The following SENP1 variants were observed in gnomAD, a reference collection of about 807,000 sequenced individuals.
The protein encoded by SENP1 is sentrin-specific protease 1.
SENP1 carries 21 observed loss-of-function variants against 93.0 expected under a neutral mutation model. That is an observed-to-expected ratio of 0.23 (90% confidence interval 0.16 to 0.33). The LOEUF is 0.33. Among genes scored for constraint, SENP1 ranks in the 10% least tolerant of loss-of-function variants. SENP1 has a pLI of 1.00. For missense variants in SENP1, 591 were observed against 758.7 expected, an observed-to-expected ratio of 0.78 and a Z score of 2.60; for synonymous variants, 256 against 259.6, an observed-to-expected ratio of 0.99 and a Z score of 0.13.
chr12:48,048,829 CAAT>C (rs1274765350), intron 14 of SENP1, 97 bp downstream of exon 14: 12 of 843,350 alleles, frequency 1.4e-5, no homozygotes, highest in Non-Finnish European at 1.9e-6. Flanking sequence ...CTCTTTCTCT[CAAT>C]AATCAAGGGA....
At chr12:48,075,458 G>A (rs946484648) in intron 6 of SENP1, among the ~76,000 whole-genome samples, 1 of 152,138 alleles carries the variant, frequency 6.6e-6, no homozygotes, top group Admixed American at 6.5e-5. Context: ...CTTGACTCCT[G>A]AAACCTGTTA....
intron 6 of SENP1, among the ~76,000 whole-genome samples, chr12:48,078,841 T>C (rs1291564913): frequency 6.6e-6 from 1 of 152,362 alleles, no homozygotes; most frequent in African/African-American, 2.4e-5. Context: ...TGTAAATTAC[T>C]TGTTAAACTG....
Position 48,063,804 on chromosome 12 carries a change from C to T in SENP1, c.1313G>A (p.Gly438Glu). Residue 438 changes from glycine to glutamate, a missense_variant, in exon 13 of 18, where the codon GGG becomes GAG. Coordinates refer to ENST00000549518, the MANE Select transcript of SENP1 (RefSeq NM_001267594.2). Reference protein sequence around the residue: ...EKEIKNVFRNGNQDEVLSEAF... With the variant: ...EKEIKNVFRNENQDEVLSEAF... ...TTCACTGAGAACTTCATCCTGATTCCCATTACGAAATACATTCTTTATTTC... is the reference window on the plus strand; with the variant it reads ...TTCACTGAGAACTTCATCCTGATTCTCATTACGAAATACATTCTTTATTTC... 1.2e-6 allele frequency: 2 copies of T among 1,612,660 alleles called. No individual in the cohort carries two copies. The highest frequency in any genetic ancestry group is 1.7e-6 in the Non-Finnish European group (2 of 1,179,348).
At chr12:48,048,112 T>C in intron 14 of SENP1, 32 bp from the exon 15 acceptor site, 1 of 1,427,156 alleles carries the variant, frequency 7.0e-7, no homozygotes. Flanking sequence ...TCTGTGTTTA[T>C]GAGATGAAGA....
intron 13 of SENP1, among the ~76,000 whole-genome samples, chr12:48,056,821 AATATATTTAACATATTACATATTACAT>A (rs1281148240): frequency 4.0e-5 from 2 of 49,710 alleles, no homozygotes; most frequent in Admixed American, 3.3e-4. Flanking sequence ...TACATATATA[AATATATTTAACATATTACATATTACAT>A]ATATATTATT....
At chr12:48,053,439 C>T (rs989246995) in intron 13 of SENP1, among the ~76,000 whole-genome samples, 5 of 146,266 alleles carry the variant, frequency 3.4e-5, no homozygotes, top group African/African-American at 1.3e-4. Context: ...GATCACACCA[C>T]TGCACTCTAG....
At chr12:48,070,670 T>A (rs1262447275) in intron 9 of SENP1, among the ~76,000 whole-genome samples, 1 of 152,242 alleles carries the variant, frequency 6.6e-6, no homozygotes, top group Non-Finnish European at 1.5e-5. Flanking sequence ...GTAAGGAGCC[T>A]GAGCTTAATT....
chr12:48,055,427 A>G (rs1942159714), intron 13 of SENP1: 1 of 152,338 alleles, frequency 6.6e-6, no homozygotes, highest in Non-Finnish European at 1.5e-5. Context: ...CTCCAGCTCC[A>G]CAATTATGGG....
intron 9 of SENP1, among the ~76,000 whole-genome samples, chr12:48,069,128 G>C (rs1171954739): frequency 8.5e-6 from 1 of 117,232 alleles, no homozygotes; most frequent in Non-Finnish European, 1.6e-5. Context: ...ACTCCAGCCT[G>C]GATGATAGAG....
intron 13 of SENP1, among the ~76,000 whole-genome samples, chr12:48,057,540 A>G (rs1226927988): frequency 1.4e-5 from 2 of 144,038 alleles, no homozygotes; most frequent in Admixed American, 7.1e-5. Context: ...TGTATTATAT[A>G]TATTTTTATG....
chr12:48,050,534 A>G (rs1031559356), intron 13 of SENP1, among the ~76,000 whole-genome samples: 5 of 152,240 alleles, frequency 3.3e-5, no homozygotes, highest in South Asian at 2.1e-4. Context: ...CAAAGGACTC[A>G]GGTTGTGGCT....
At chr12:48,057,745 C>T (rs955893627) in intron 13 of SENP1, among the ~76,000 whole-genome samples, 11 of 150,148 alleles carry the variant, frequency 7.3e-5, no homozygotes, top group Middle Eastern at 3.4e-3. Context: ...CAATTACAGG[C>T]ACACACGATG....
At chr12:48,105,504 T>G in intron 1 of SENP1, 1 of 519,090 alleles carries the variant, frequency 1.9e-6, no homozygotes, top group Non-Finnish European at 3.8e-6. Flanking sequence ...GCACTAGCGA[T>G]ATCACATCTC....
chr12:48,083,058 C>T (rs1298511363), intron 6 of SENP1, among the ~76,000 whole-genome samples: 1 of 152,056 alleles, frequency 6.6e-6, no homozygotes, highest in East Asian at 1.9e-4. Context: ...ATATGAGCCA[C>T]CAAGCCCGTC....
rs958651282 is a variant in SENP1, at chr12:48,054,255, G to A, written c.1408-5123C>T. Among the ~76,000 whole-genome samples, 6 of 152,210 alleles carry A rather than the reference G, an allele frequency of 3.9e-5. No homozygotes were observed. The East Asian group carries it at 9.6e-4, about 24-fold the overall frequency. The stretch of plus-strand genomic sequence containing the variant: ...ATAGATTTGTCTATTTCTCCTTTCA[G>A]TTCTATCAGATTATGCTTCACGTAT... On this transcript the variant is annotated intron_variant, in intron 13 of 17. Transcript: ENST00000549518.
chr12:48,099,018 T>C (rs1945745852), intron 2 of SENP1: 1 of 152,042 alleles, frequency 6.6e-6, no homozygotes, highest in African/African-American at 2.4e-5. Flanking sequence ...AACAGCTTAA[T>C]TTAAAGCTTT....
At chr12:48,071,488 C>T (rs756818880) in intron 9 of SENP1, among the ~76,000 whole-genome samples, 179 bp downstream of exon 9, 8 of 151,982 alleles carry the variant, frequency 5.3e-5, no homozygotes, top group African/African-American at 9.7e-5. Flanking sequence ...TGGTGGCGGG[C>T]GCCTGTAATC....
At chr12:48,098,410 T>C (rs7295580) in intron 2 of SENP1, among the ~76,000 whole-genome samples, 108,416 of 151,742 alleles carry the variant, frequency 0.71, 39,814 homozygotes, top group East Asian at 0.99. Flanking sequence ...TTTGGGAGGT[T>C]GAGGCGGGTG....
chr12:48,087,566 G>A (rs763246050), intron 5 of SENP1, among the ~76,000 whole-genome samples: 2 of 152,154 alleles, frequency 1.3e-5, no homozygotes, highest in African/African-American at 2.4e-5. Context: ...AATAGGTATA[G>A]GAAAAGGTTT....
Sources: allele counts gnomAD v4.1 joint callset (sites outside exome capture counted in the v4.1 genomes callset), GRCh38; gene constraint gnomAD v4.1.1; transcripts MANE v1.5; gene names NCBI Gene and HGNC (gene_info 2026-07-23, HGNC 2026-07-21).